The following SYNPR variants were observed in gnomAD, a reference collection of about 807,000 sequenced individuals.
SYNPR encodes synaptoporin.
In SYNPR, 23 loss-of-function variants were observed where a neutral mutation model predicts 32.9. The observed-to-expected ratio is 0.70, with a 90% CI of 0.50 to 0.99. The LOEUF is 0.99. SYNPR is among the 50% of genes least tolerant of loss of function. The pLI is 0.00. For synonymous variants in SYNPR, 146 were observed against 135.9 expected (o/e 1.07, Z -0.52); for missense variants, 318 against 349.3 (o/e 0.91, Z 0.71).
intron 3 of SYNPR, among the ~76,000 whole-genome samples, chr3:63,518,881 G>T (rs539296694): frequency 3.2e-4 from 49 of 152,294 alleles, no homozygotes; most frequent in African/African-American, 1.2e-3. Flanking sequence ...GCACGCATAT[G>T]TTCATCACAG....
intron 2 of SYNPR, among the ~76,000 whole-genome samples, chr3:63,291,111 C>T (rs1353231426): frequency 6.6e-6 from 1 of 152,144 alleles, no homozygotes; most frequent in Non-Finnish European, 1.5e-5. Flanking sequence ...TTAGAATGTA[C>T]TGGATTTGAA....
chr3:63,614,567 C>T (rs191699226), intron 5 of SYNPR, among the ~76,000 whole-genome samples: 145 of 152,326 alleles, frequency 9.5e-4, no homozygotes, highest in African/African-American at 3.4e-3. Context: ...GTGAGAGGCA[C>T]AGAAAGTGCA....
intron 3 of SYNPR, among the ~76,000 whole-genome samples, chr3:63,511,709 C>T (rs1701702587): frequency 6.6e-6 from 1 of 152,012 alleles, no homozygotes; most frequent in Non-Finnish European, 1.5e-5. Context: ...ATTATGTTTT[C>T]AGGGCCTAAG....
intron 2 of SYNPR, among the ~76,000 whole-genome samples, chr3:63,293,996 A>C (rs557695960): frequency 6.6e-6 from 1 of 152,262 alleles, no homozygotes; most frequent in South Asian, 2.1e-4. Context: ...TAGAAGAGGC[A>C]CTGTTTTGTC....
intron 2 of SYNPR, among the ~76,000 whole-genome samples, chr3:63,366,315 T>C (rs1575611922): frequency 6.6e-6 from 1 of 152,136 alleles, no homozygotes; most frequent in African/African-American, 2.4e-5. Flanking sequence ...ATAAGAGGAA[T>C]ATTTATGGTT....
intron 2 of SYNPR, among the ~76,000 whole-genome samples, chr3:63,282,081 C>A (rs2086635639): frequency 1.3e-5 from 2 of 152,168 alleles, no homozygotes; most frequent in South Asian, 4.1e-4. Flanking sequence ...ATATTCAGTG[C>A]AGCAGAAGAC....
intron 3 of SYNPR, among the ~76,000 whole-genome samples, chr3:63,527,301 T>C (rs1702030529): frequency 6.6e-6 from 1 of 152,116 alleles, no homozygotes; most frequent in African/African-American, 2.4e-5. Context: ...GATGATAGTG[T>C]CCATGTCCTC....
At chr3:63,506,119 T>C (rs568593084) in intron 3 of SYNPR, among the ~76,000 whole-genome samples, 3 of 152,056 alleles carry the variant, frequency 2.0e-5, no homozygotes, top group African/African-American at 7.2e-5. Flanking sequence ...GCTTTTTTCC[T>C]TCTCTCTCTC....
At chr3:63,614,883 G>T (rs1700255126) in intron 5 of SYNPR, among the ~76,000 whole-genome samples, 1 of 152,194 alleles carries the variant, frequency 6.6e-6, no homozygotes, top group Non-Finnish European at 1.5e-5. Context: ...AACCAGAAGA[G>T]AGTTTGGATC....
rs187271229 is a variant in SYNPR at position 63,596,540 on chromosome 3, C to T, written c.409-12585C>T. 3.3e-5 allele frequency among the ~76,000 whole-genome samples: 5 copies of T among 152,146 alleles called. No homozygotes were observed. The East Asian group carries it at 5.8e-4, about 18-fold the overall frequency. On this transcript the variant is annotated intron_variant, in intron 4 of 5. Transcript: ENST00000478300. The stretch of plus-strand genomic sequence containing the variant: ...GCTTGGCAGGATTGCCCCTGTGGGC[C>T]GCCCACCTCCTTCTTTGGGCTGCCA...
At chr3:63,443,523 T>C (rs766196844) in intron 2 of SYNPR, 4 of 1,574,984 alleles carry the variant, frequency 2.5e-6, no homozygotes, top group South Asian at 1.2e-5. Flanking sequence ...TGTGTGTGCA[T>C]GTATGTGTCT....
At chr3:63,229,030 TC>T (rs1199687759) in intron 1 of SYNPR, among the ~76,000 whole-genome samples, 7 of 152,190 alleles carry the variant, frequency 4.6e-5, no homozygotes, top group African/African-American at 7.2e-5. Context: ...CTCCTATGCC[TC>T]TGTTCAGAAT....
At chr3:63,202,515 G>A in the SYNPR span, among the ~76,000 whole-genome samples, 5 of 152,190 alleles carry the variant, frequency 3.3e-5, 1 homozygote, top group South Asian at 1.0e-3. Context: ...ACAGGCAAGA[G>A]GAAAATTGCA....
At chr3:63,377,099 G>A (rs1000768442) in intron 2 of SYNPR, among the ~76,000 whole-genome samples, 2 of 152,068 alleles carry the variant, frequency 1.3e-5, no homozygotes, top group African/African-American at 4.8e-5. Flanking sequence ...TCATTTTTAA[G>A]TTTTTATCAA....
chr3:63,523,407 C>T (rs1420659219), intron 3 of SYNPR, among the ~76,000 whole-genome samples: 1 of 152,264 alleles, frequency 6.6e-6, no homozygotes, highest in South Asian at 2.1e-4. Context: ...AGGGTCACCG[C>T]CAGTTGGCTG....
intron 3 of SYNPR, among the ~76,000 whole-genome samples, chr3:63,523,880 C>G (rs73116781): frequency 0.1 from 15,644 of 152,134 alleles, 870 homozygotes; most frequent in Admixed American, 0.13. Context: ...GCCAGATAAA[C>G]AGGCATAAAC....
intron 4 of SYNPR, among the ~76,000 whole-genome samples, chr3:63,560,683 T>A (rs1218159524): frequency 6.6e-6 from 1 of 152,100 alleles, no homozygotes; most frequent in Admixed American, 6.5e-5. Context: ...ACGATCATGG[T>A]GGAAGGCACC....
intron 2 of SYNPR, among the ~76,000 whole-genome samples, chr3:63,471,531 T>C (rs893684678): frequency 6.6e-6 from 1 of 152,164 alleles, no homozygotes; most frequent in Admixed American, 6.5e-5. Flanking sequence ...AAGAAAGAAT[T>C]AGACAAAGAT....
intron 2 of SYNPR, among the ~76,000 whole-genome samples, chr3:63,255,100 G>C (rs894858488): frequency 6.6e-6 from 1 of 152,126 alleles, no homozygotes; most frequent in Non-Finnish European, 1.5e-5. Flanking sequence ...TTACCCACTG[G>C]GTGATAGTAG....
Sources: gnomAD v4.1 joint callset for allele counts (sites outside exome capture counted in the v4.1 genomes callset) on GRCh38, gnomAD v4.1.1 for gene constraint, MANE v1.5 for transcripts, NCBI Gene and HGNC (gene_info 2026-07-23, HGNC 2026-07-21) for gene names.